The following ATP8B4 variants were observed in gnomAD, a reference collection of about 807,000 sequenced individuals.
ATP8B4 encodes probable phospholipid-transporting ATPase IM.
Under a neutral mutation model 145.6 loss-of-function variants are expected in ATP8B4, and 133 were observed. That is an observed-to-expected ratio of 0.91 (90% CI 0.79 to 1.05). ATP8B4 has a LOEUF of 1.05. ATP8B4 is among the 50% of genes least tolerant of loss of function. The pLI, the probability that ATP8B4 is intolerant of heterozygous loss-of-function variation, is 0.00. For missense variants in ATP8B4, 1,458 were observed against 1,425.2 expected (o/e 1.02, Z -0.37); for synonymous variants, 507 against 492.9 (o/e 1.03, Z -0.38).
In ATP8B4 at chr15:49,932,044, AATTAT is replaced by A. The variant is rs567287554; in HGVS notation, c.1454-742_1454-738del. ...ATATATAAAGTAAGCCCTTATATAAAATTATATTATATTTATATGTAAAAATTAAT... is the reference window on the plus strand; with the variant it reads ...ATATATAAAGTAAGCCCTTATATAAAATTATATTTATATGTAAAAATTAAT... On this transcript the variant is annotated intron_variant, in intron 15 of 27. Transcript: ENST00000284509. Among the ~76,000 whole-genome samples, 703 of 151,620 alleles carry A rather than the reference AATTAT, an allele frequency of 4.6e-3. 3 individuals carry two copies. The highest frequency in any genetic ancestry group is 0.015 in the African/African-American group (634 of 41,428).
intron 7 of ATP8B4, among the ~76,000 whole-genome samples, chr15:50,003,200 G>A (rs1457322862): frequency 1.3e-5 from 2 of 151,372 alleles, no homozygotes; most frequent in Non-Finnish European, 2.9e-5. Context: ...GAATCTTGGG[G>A]GTTAAATTTA....
chr15:50,064,950 C>T (rs2053277405), intron 3 of ATP8B4, among the ~76,000 whole-genome samples: 1 of 152,090 alleles, frequency 6.6e-6, no homozygotes, highest in African/African-American at 2.4e-5. Flanking sequence ...ATGGTGCTAA[C>T]CCACTCATAA....
At chr15:50,127,059 C>A (rs74012902) in intron 1 of ATP8B4, among the ~76,000 whole-genome samples, 8,428 of 152,244 alleles carry the variant, frequency 0.055, 268 homozygotes, top group African/African-American at 0.085. Context: ...AAATCTTAAC[C>A]AATCGCAGAT....
At chr15:49,975,377 G>A (rs2045573818) in intron 12 of ATP8B4, among the ~76,000 whole-genome samples, 1 of 152,070 alleles carries the variant, frequency 6.6e-6, no homozygotes, top group African/African-American at 2.4e-5. Context: ...AAATGGCAGA[G>A]TATTTGCATA....
chr15:50,051,281 A>T (rs1269506678), intron 3 of ATP8B4, among the ~76,000 whole-genome samples: 1 of 152,178 alleles, frequency 6.6e-6, no homozygotes, highest in Non-Finnish European at 1.5e-5. Context: ...TCATGACTCT[A>T]AGATTCCTTA....
In ATP8B4 at chr15:50,096,487, A is replaced by C. The variant is rs1600354757; in HGVS notation, c.28+10452T>G. On this transcript the variant is annotated intron_variant, in intron 2 of 27. Coordinates refer to ENST00000284509, the MANE Select transcript of ATP8B4 (RefSeq NM_024837.4). ...ACATCTCTTACCTGTACTTCTATTT[A>C]TATCTCTGCACTACGACTATGGGAG... is the stretch of plus-strand genomic sequence containing the variant. 2.6e-5 allele frequency among the ~76,000 whole-genome samples: 4 copies of C among 152,304 alleles called. No homozygotes were observed. In the South Asian group the frequency reaches 8.3e-4, roughly 32 times the overall value.
intron 20 of ATP8B4, chr15:49,908,093 T>G: frequency 2.2e-6 from 1 of 456,034 alleles, no homozygotes; most frequent in South Asian, 1.5e-5. Flanking sequence ...AAAACAGTAA[T>G]GCCTACGATT....
chr15:49,933,900 C>CA, intron 15 of ATP8B4, 117 bp downstream of exon 15: 1 of 1,167,982 alleles, frequency 8.6e-7, no homozygotes, highest in Non-Finnish European at 1.1e-6. Flanking sequence ...AAAACAAAAA[C>CA]AAAAAACAAG....
intron 23 of ATP8B4, 97 bp from the exon 24 acceptor site, chr15:49,879,556 G>C: frequency 9.3e-7 from 1 of 1,071,854 alleles, no homozygotes; most frequent in Admixed American, 2.7e-5. Flanking sequence ...AGGTGGGTGG[G>C]AGTTGACTTT....
At chr15:49,872,614 C>T (rs1418894925) in intron 25 of ATP8B4, among the ~76,000 whole-genome samples, 5 of 152,164 alleles carry the variant, frequency 3.3e-5, no homozygotes, top group African/African-American at 9.7e-5. Context: ...TCCACAACCT[C>T]AGTCTATTTC....
At chr15:50,032,978 A>G (rs1184608670) in intron 6 of ATP8B4, among the ~76,000 whole-genome samples, 1 of 152,258 alleles carries the variant, frequency 6.6e-6, no homozygotes. Context: ...AAAATAAAAC[A>G]GAATTTTAAA....
chr15:50,030,793 T>TA (rs2050375800), intron 6 of ATP8B4, among the ~76,000 whole-genome samples: 1 of 152,194 alleles, frequency 6.6e-6, no homozygotes. Context: ...TGTGCAGAGT[T>TA]TTGAAAGTGT....
At chr15:49,903,345 A>G (rs2038255793) in intron 20 of ATP8B4, among the ~76,000 whole-genome samples, 1 of 152,220 alleles carries the variant, frequency 6.6e-6, no homozygotes. Context: ...ACAAATAACA[A>G]ATGCTAAAAC....
At chr15:50,018,625 C>T (rs540068110) in intron 6 of ATP8B4, among the ~76,000 whole-genome samples, 2 of 152,270 alleles carry the variant, frequency 1.3e-5, no homozygotes, top group African/African-American at 4.8e-5. Context: ...CATCAAAAGT[C>T]CAGTGAGAAA....
intron 3 of ATP8B4, among the ~76,000 whole-genome samples, chr15:50,048,240 T>C (rs2051878750): frequency 6.6e-6 from 1 of 151,892 alleles, no homozygotes; most frequent in Non-Finnish European, 1.5e-5. Flanking sequence ...ACCCAAAATT[T>C]GCATATTAAT....
At chr15:49,957,656 T>G (rs943510076) in intron 14 of ATP8B4, among the ~76,000 whole-genome samples, 1 of 152,042 alleles carries the variant, frequency 6.6e-6, no homozygotes, top group Admixed American at 6.5e-5. Context: ...GACGTTTAAA[T>G]CAGGCCAAGA....
At chr15:50,046,701 A>G (rs532786146) in intron 4 of ATP8B4, among the ~76,000 whole-genome samples, 36 of 152,296 alleles carry the variant, frequency 2.4e-4, no homozygotes, top group African/African-American at 8.7e-4. Context: ...GCTAACATGA[A>G]CTATTTATGT....
chr15:50,049,578 T>A (rs1420077786), intron 3 of ATP8B4, among the ~76,000 whole-genome samples: 1 of 152,250 alleles, frequency 6.6e-6, no homozygotes, highest in African/African-American at 2.4e-5. Context: ...TGACTCCATG[T>A]CTTTGCTATT....
chr15:50,110,867 C>T (rs2153671151), intron 1 of ATP8B4, among the ~76,000 whole-genome samples: 1 of 151,676 alleles, frequency 6.6e-6, no homozygotes, highest in Admixed American at 6.6e-5. Flanking sequence ...AAAAGCAGTG[C>T]ATATTTGTTT....
Sources: allele counts gnomAD v4.1 joint callset (sites outside exome capture counted in the v4.1 genomes callset), GRCh38; gene constraint gnomAD v4.1.1; transcripts MANE v1.5; gene names NCBI Gene and HGNC (gene_info 2026-07-23, HGNC 2026-07-21).